BZW2: variants seen among roughly 807,000 people sequenced by gnomAD.
The protein encoded by BZW2 is basic leucine zipper and W2 domains 2, also known as eIF5-mimic protein 1.
In BZW2, 23 loss-of-function variants were observed where a neutral mutation model predicts 53.2. That is an observed-to-expected ratio of 0.43 (90% CI 0.31 to 0.61). The LOEUF is 0.61. Among genes scored for constraint, BZW2 ranks in the 20% least tolerant of loss-of-function variants. The probability of loss-of-function intolerance (pLI) is 0.09; values close to 1 mark genes in which losing one functional copy is unlikely to be tolerated. For synonymous variants in BZW2, 227 were observed against 186.4 expected, an observed-to-expected ratio of 1.22 and a Z score of -1.77; for missense variants, 409 against 503.1, an observed-to-expected ratio of 0.81 and a Z score of 1.79.
intron 2 of BZW2, among the ~76,000 whole-genome samples, chr7:16,668,966 A>G (rs543609976): frequency 6.6e-6 from 1 of 152,344 alleles, no homozygotes; most frequent in East Asian, 1.9e-4. Flanking sequence ...ATGCTTTGCT[A>G]AATGAAACAT....
In BZW2 at chr7:16,695,536, A is replaced by G. The variant is rs150722127; in HGVS notation, c.822+532A>G. Reference sequence around the variant, plus strand: ...ACTTGGAAGAGCTGTGTTTCCCTATAATGTAAAAGCTATATTTTTTATAAT... The same window carrying G: ...ACTTGGAAGAGCTGTGTTTCCCTATGATGTAAAAGCTATATTTTTTATAAT... On this transcript the variant is annotated intron_variant, in intron 8 of 11. Transcript: ENST00000258761. Among the ~76,000 whole-genome samples, 80 of 152,326 alleles carry G rather than the reference A, an allele frequency of 5.3e-4. 2 individuals are homozygous for G. In the East Asian group the frequency reaches 0.013, roughly 25 times the overall value.
intron 5 of BZW2, 89 bp from the exon 6 acceptor site, chr7:16,685,816 T>TCA: frequency 7.1e-7 from 1 of 1,414,178 alleles, no homozygotes; most frequent in Non-Finnish European, 9.3e-7. Context: ...TCACAGTTTA[T>TCA]CTTCCCACTT....
chr7:16,682,867 C>T, intron 5 of BZW2, 22 bp downstream of exon 5: 1 of 1,505,520 alleles, frequency 6.6e-7, no homozygotes, highest in Non-Finnish European at 9.1e-7. Flanking sequence ...AATATAATGC[C>T]TATCTGTTTT....
chr7:16,665,819 T>G (rs1450727459), intron 2 of BZW2, among the ~76,000 whole-genome samples: 1 of 151,480 alleles, frequency 6.6e-6, no homozygotes, highest in Middle Eastern at 3.2e-3. Context: ...GTTTTTGCTT[T>G]CTTTGTCGTT....
intron 5 of BZW2, 73 bp downstream of exon 5, chr7:16,682,918 C>A: frequency 9.5e-7 from 1 of 1,048,914 alleles, no homozygotes; most frequent in Non-Finnish European, 1.4e-6. Flanking sequence ...TTATAAGTGG[C>A]CGGACACGGT....
At chr7:16,697,594 A>G (rs1434944089) in intron 9 of BZW2, among the ~76,000 whole-genome samples, 3 of 152,316 alleles carry the variant, frequency 2.0e-5, no homozygotes, top group Non-Finnish European at 4.4e-5. Flanking sequence ...TCTCAGAAAA[A>G]CAATGGCTAT....
At chr7:16,675,349 A>G (rs1610684) in intron 3 of BZW2, among the ~76,000 whole-genome samples, 44,471 of 152,130 alleles carry the variant, frequency 0.29, 7,513 homozygotes, top group African/African-American at 0.47. Context: ...AAAAAGACTT[A>G]AGCGGGGAGG....
At chr7:16,682,720 T>C in intron 4 of BZW2, 60 bp from the exon 5 acceptor site, 3 of 1,094,008 alleles carry the variant, frequency 2.7e-6, no homozygotes, top group South Asian at 1.6e-5. Flanking sequence ...AGTGAGTTTC[T>C]ATTACCTACT....
At chr7:16,664,883 A>G (rs1205446411) in intron 1 of BZW2, among the ~76,000 whole-genome samples, 1 of 152,094 alleles carries the variant, frequency 6.6e-6, no homozygotes, top group Non-Finnish European at 1.5e-5. Context: ...ATTTTCCTCA[A>G]AGTATTTCAT....
At chr7:16,646,623 G>A (rs1781870336) in intron 1 of BZW2, among the ~76,000 whole-genome samples, 1 of 152,178 alleles carries the variant, frequency 6.6e-6, no homozygotes, top group Admixed American at 6.5e-5. Flanking sequence ...TGCGGCTCCC[G>A]GGGAGGCTGG....
chr7:16,658,974 A>G (rs1290301955), intron 1 of BZW2, among the ~76,000 whole-genome samples: 6 of 151,470 alleles, frequency 4.0e-5, no homozygotes, highest in South Asian at 4.2e-4. Context: ...AATAACTTAA[A>G]AAAAAAAAGC....
intron 3 of BZW2, 27 bp downstream of exon 3, chr7:16,674,615 A>G (rs1486345905): frequency 4.7e-6 from 7 of 1,496,974 alleles, no homozygotes; most frequent in Non-Finnish European, 2.7e-6. Context: ...CGCTTCTTGT[A>G]GTATATTTAT....
chr7:16,690,587 T>C (rs1157654267), intron 7 of BZW2, among the ~76,000 whole-genome samples: 2 of 152,202 alleles, frequency 1.3e-5, no homozygotes, highest in African/African-American at 4.8e-5. Flanking sequence ...ACTTGTGATG[T>C]CTGTCTTGAG....
At chr7:16,654,616 C>A (rs1488787654) in intron 1 of BZW2, among the ~76,000 whole-genome samples, 6 of 151,074 alleles carry the variant, frequency 4.0e-5, no homozygotes. Flanking sequence ...CTCACTGCAA[C>A]CTCTGCCTCC....
chr7:16,702,521 A>G (rs1347665990), intron 10 of BZW2, among the ~76,000 whole-genome samples: 1 of 152,174 alleles, frequency 6.6e-6, no homozygotes, highest in African/African-American at 2.4e-5. Context: ...AAGATTTGCA[A>G]TAAACAATGC....
chr7:16,665,784 G>A (rs973497810), intron 2 of BZW2, among the ~76,000 whole-genome samples: 1 of 152,128 alleles, frequency 6.6e-6, no homozygotes, highest in Non-Finnish European at 1.5e-5. Context: ...AAATTTTACT[G>A]GTTTTGACAT....
intron 5 of BZW2, 39 bp downstream of exon 5, chr7:16,682,884 A>G: frequency 7.1e-7 from 1 of 1,402,974 alleles, no homozygotes; most frequent in East Asian, 2.4e-5. Context: ...TTTTATAGTA[A>G]TGACATGGGG....
rs537634205 is a variant in BZW2, at chr7:16,662,597, T to C, written c.-7-2840T>C. ...CAAAACTTTTAGGAAGGACTCACAC[T>C]TTAGAATTTTTGAAATTACAAATTA... is the stretch of plus-strand genomic sequence containing the variant. On this transcript the variant is annotated intron_variant, in intron 1 of 11. Coordinates refer to ENST00000258761, the MANE Select transcript of BZW2 (RefSeq NM_014038.3). 2.6e-5 allele frequency among the ~76,000 whole-genome samples: 4 copies of C among 152,238 alleles called. No homozygotes were observed. The South Asian group carries it at 8.3e-4, about 32-fold the overall frequency.
chr7:16,671,632 G>T (rs1713509785), intron 2 of BZW2, among the ~76,000 whole-genome samples: 1 of 152,000 alleles, frequency 6.6e-6, no homozygotes, highest in Non-Finnish European at 1.5e-5. Context: ...TCTTACCCTT[G>T]ATTAGTAGTT....
Sources: allele counts gnomAD v4.1 joint callset (sites outside exome capture counted in the v4.1 genomes callset), GRCh38; gene constraint gnomAD v4.1.1; transcripts MANE v1.5; gene names NCBI Gene and HGNC (gene_info 2026-07-23, HGNC 2026-07-21).